Variants in CKAP5 observed in about 807,000 individuals in gnomAD.
CKAP5 encodes cytoskeleton-associated protein 5.
A neutral mutation model predicts 232.8 loss-of-function variants in CKAP5; 27 were observed. That is an observed-to-expected ratio of 0.12 (90% CI 0.09 to 0.16). CKAP5 has a LOEUF of 0.16. Among genes scored for constraint, CKAP5 ranks in the 10% least tolerant of loss-of-function variants. The pLI is 1.00. For synonymous variants in CKAP5, 785 were observed against 841.1 expected, an observed-to-expected ratio of 0.93 and a Z score of 1.16; for missense variants, 1,838 against 2,424.7, an observed-to-expected ratio of 0.76 and a Z score of 5.08.
chr11:46,813,137 G>GT (rs1379672339), intron 4 of CKAP5, among the ~76,000 whole-genome samples: 1 of 152,046 alleles, frequency 6.6e-6, no homozygotes, highest in African/African-American at 2.4e-5. Flanking sequence ...ATGTGATATA[G>GT]TTTAAGTACA....
chr11:46,777,899 A>C (rs1252308804), intron 22 of CKAP5, among the ~76,000 whole-genome samples: 1 of 152,198 alleles, frequency 6.6e-6, no homozygotes, highest in Non-Finnish European at 1.5e-5. Context: ...GTTTTATACA[A>C]ATATATTCAA....
intron 36 of CKAP5, among the ~76,000 whole-genome samples, chr11:46,754,025 G>A (rs1281003625): frequency 6.6e-6 from 1 of 151,846 alleles, no homozygotes; most frequent in East Asian, 1.9e-4. Context: ...TTGAGACAGA[G>A]TCTTGCTCTG....
chr11:46,794,619 C>T (rs1333035853), intron 13 of CKAP5, among the ~76,000 whole-genome samples: 1 of 152,128 alleles, frequency 6.6e-6, no homozygotes, highest in African/African-American at 2.4e-5. Context: ...AGGAGGATCA[C>T]TTGAGGCCAG....
At chr11:46,752,309 T>C (rs1451959026) in intron 38 of CKAP5, among the ~76,000 whole-genome samples, 1 of 147,778 alleles carries the variant, frequency 6.8e-6, no homozygotes, top group Non-Finnish European at 1.5e-5. Context: ...TACACATATA[T>C]ATAAAAAACC....
At chr11:46,748,113 G>A (rs1242795662) in intron 42 of CKAP5, among the ~76,000 whole-genome samples, 1 of 152,074 alleles carries the variant, frequency 6.6e-6, no homozygotes, top group Non-Finnish European at 1.5e-5. Context: ...TGAGGTACTA[G>A]GGGCACTGGC....
At chr11:46,770,153 A>G in intron 25 of CKAP5, 55 bp from the exon 26 acceptor site, 1 of 1,570,770 alleles carries the variant, frequency 6.4e-7, no homozygotes. Context: ...ATAAAGTCAT[A>G]CAAAGCTTAT....
intron 16 of CKAP5, among the ~76,000 whole-genome samples, chr11:46,787,785 A>T (rs2134634492): frequency 6.6e-6 from 1 of 152,336 alleles, no homozygotes; most frequent in East Asian, 1.9e-4. Context: ...ATTCCTAATT[A>T]TATAAAGTTA....
chr11:46,780,213 A>G lies in CKAP5; in HGVS notation c.2414T>C (p.Ile805Thr). ...TTCTACCTTCTCAAATTCTGCATCT[A>G]TCTGGGATAGGAGGGCAGGCTTCTC... is the stretch of plus-strand genomic sequence containing the variant. ...EDEKPALLSQ[I>T]DAEFEKMQGQ... The change falls in exon 20 of 44, where the codon ATA becomes ACA. Residue 805 changes from isoleucine (I) to threonine (T), a missense_variant. This residue lies in a region of CKAP5 where 767 missense variants were observed against 954.6 expected (regional missense o/e 0.80). Coordinates refer to ENST00000529230, the MANE Select transcript of CKAP5 (RefSeq NM_001008938.4). The G allele has an allele frequency of 6.2e-7, 1 of 1,614,116 alleles. No homozygotes were observed. Among genetic ancestry groups the G allele is most frequent in the Non-Finnish European group, 8.5e-7 (1 of 1,179,972 alleles).
chr11:46,767,211 G>T (rs925415049), intron 27 of CKAP5, among the ~76,000 whole-genome samples: 2 of 152,078 alleles, frequency 1.3e-5, no homozygotes, highest in Non-Finnish European at 2.9e-5. Flanking sequence ...GGAGAGACAG[G>T]GTTTCGCTAT....
At chr11:46,759,466 C>T in intron 33 of CKAP5, 24 bp from the exon 34 acceptor site, 1 of 1,602,418 alleles carries the variant, frequency 6.2e-7, no homozygotes, top group Non-Finnish European at 8.5e-7. Context: ...AAGGAGGCTC[C>T]TGAACTAAAA....
rs754405964 is a variant in CKAP5 at position 46,780,174 on chromosome 11, A to G, written c.2433+20T>C. ...ATTCTCAAGTCCACTAACAGATTGT[A>G]TCATTTGTGGAAATTCTACCTTCTC... On this transcript the variant is annotated intron_variant, in intron 20 of 43. Transcript: ENST00000529230. 27 of 1,613,296 alleles carry G rather than the reference A, an allele frequency of 1.7e-5. No individual in the cohort carries two copies. The highest frequency in any genetic ancestry group is 5.3e-5 in the African/African-American group (4 of 74,894).
intron 1 of CKAP5, 88 bp from the exon 2 acceptor site, chr11:46,821,356 C>A: frequency 1.8e-6 from 1 of 569,008 alleles, no homozygotes; most frequent in Admixed American, 2.9e-5. Flanking sequence ...TTTTATCATT[C>A]ATGCAACAAC....
chr11:46,759,385 G>C lies in CKAP5; in HGVS notation c.4452C>G (p.Phe1484Leu). 1 of 1,614,104 alleles carries C rather than the reference G, an allele frequency of 6.2e-7. No homozygotes were observed. The change falls in exon 34 of 44, where the codon TTC (phenylalanine) becomes TTG (leucine). Residue 1484 changes from phenylalanine (F) to leucine (L), a missense_variant. Around this residue, in one of 6 missense-constraint regions of CKAP5, gnomAD observed 579 missense variants for 843.2 expected, o/e 0.69. Coordinates refer to ENST00000529230, the MANE Select transcript of CKAP5 (RefSeq NM_001008938.4). ...PEAAQMVRRE[F>L]QLDLDEIEND... ...TCTCAATCTCATCTAGATCCAGCTG[G>C]AATTCTCGGCGGACCATCTGGGCTG...
In CKAP5 at chr11:46,770,847, G is replaced by T; in HGVS notation, c.3127C>A (p.Pro1043Thr). Residue 1043 changes from proline (P) to threonine (T), a missense_variant, in exon 25 of 44, where the codon CCA becomes ACA. Coordinates refer to ENST00000529230, the MANE Select transcript of CKAP5 (RefSeq NM_001008938.4). ...TATCCTAAATGCATCATGAAGAATG[G>T]CAAGGCATCTTGGGCCTTCTTTCGC... is the stretch of plus-strand genomic sequence containing the variant. ...DVRKKAQDAL[P>T]FFMMHLGYEK... The T allele has an allele frequency of 1.2e-6, 2 of 1,614,132 alleles. No homozygotes were observed. Among genetic ancestry groups the T allele is most frequent in the Non-Finnish European group, 1.7e-6 (2 of 1,180,010 alleles).
intron 31 of CKAP5, 97 bp from the exon 32 acceptor site, chr11:46,762,290 T>A: frequency 2.8e-4 from 274 of 969,966 alleles, no homozygotes; most frequent in Non-Finnish European, 4.2e-4. Flanking sequence ...TATGAAGGAC[T>A]AAAACCTTAC....
chr11:46,794,259 C>A (rs1938814574), intron 13 of CKAP5, among the ~76,000 whole-genome samples: 1 of 152,174 alleles, frequency 6.6e-6, no homozygotes, highest in Non-Finnish European at 1.5e-5. Flanking sequence ...GAGTTTGAGA[C>A]CTGCCTGGGC....
At chr11:46,818,877 T>A (rs1193003395) in intron 2 of CKAP5, among the ~76,000 whole-genome samples, 1 of 152,198 alleles carries the variant, frequency 6.6e-6, no homozygotes, top group Non-Finnish European at 1.5e-5. Flanking sequence ...TGCTGTTTTT[T>A]GGTTCTATTT....
chr11:46,777,903 T>C (rs55689111), intron 22 of CKAP5, among the ~76,000 whole-genome samples: 20 of 152,336 alleles, frequency 1.3e-4, no homozygotes, highest in Non-Finnish European at 1.8e-4. Context: ...TATACAAATA[T>C]ATTCAATATT....
Position 46,816,401 on chromosome 11 carries a change from G to A in CKAP5, c.255C>T (p.Thr85=), listed in dbSNP as rs1189618357. The part of the protein sequence containing the change: ...YVENAHVAGK[T]TGEVVSGVVS... The stretch of plus-strand genomic sequence containing the variant: ...CAACACCTGACACAACTTCTCCTGT[G>A]GTTCTGTAACATATTATAAAGAACA... Residue 85 remains threonine (T), a synonymous_variant, in exon 4 of 44, where the codon ACC becomes ACT. Transcript: ENST00000529230. 1.9e-6 allele frequency: 3 copies of A among 1,613,246 alleles called. No homozygotes were observed. Among genetic ancestry groups the A allele is most frequent in the East Asian group, 4.5e-5 (2 of 44,880 alleles).
Sources: allele counts gnomAD v4.1 joint callset (sites outside exome capture counted in the v4.1 genomes callset), GRCh38; gene constraint gnomAD v4.1.1; regional missense constraint gnomAD v4.1.1; transcripts MANE v1.5; gene names NCBI Gene and HGNC (gene_info 2026-07-23, HGNC 2026-07-21).